PLA2G4A: variants seen among roughly 807,000 people sequenced by gnomAD.
The protein encoded by PLA2G4A is cytosolic phospholipase A2.
PLA2G4A carries 40 observed loss-of-function variants against 81.9 expected under a neutral mutation model. That is an observed-to-expected ratio of 0.49 (90% confidence interval 0.38 to 0.64). The LOEUF (loss-of-function observed/expected upper bound fraction) is 0.64, where lower values mean the gene tolerates loss of function less well. PLA2G4A is among the 30% of genes least tolerant of loss of function. PLA2G4A has a pLI of 0.00. For missense variants in PLA2G4A, 715 were observed against 905.1 expected, an observed-to-expected ratio of 0.79 and a Z score of 2.69; for synonymous variants, 302 against 296.9, an observed-to-expected ratio of 1.02 and a Z score of -0.18.
chr1:186,979,704 C>T (rs1657653733), intron 17 of PLA2G4A, among the ~76,000 whole-genome samples: 1 of 151,952 alleles, frequency 6.6e-6, no homozygotes, highest in African/African-American at 2.4e-5. Flanking sequence ...TTGGTTAATA[C>T]TCAGTTTCTT....
At chr1:186,961,402 T>G (rs1656942264) in intron 14 of PLA2G4A, among the ~76,000 whole-genome samples, 1 of 152,244 alleles carries the variant, frequency 6.6e-6, no homozygotes, top group Non-Finnish European at 1.5e-5. Context: ...TAGCTTGATT[T>G]GATTGTTCCA....
At chr1:186,905,318 C>CA (rs1431705333) in intron 5 of PLA2G4A, among the ~76,000 whole-genome samples, 7 of 151,844 alleles carry the variant, frequency 4.6e-5, no homozygotes. Flanking sequence ...ATGTTATTTC[C>CA]ATCCACTCAC....
intron 1 of PLA2G4A, among the ~76,000 whole-genome samples, chr1:186,839,513 T>A (rs1011450027): frequency 6.6e-6 from 1 of 152,192 alleles, no homozygotes; most frequent in Non-Finnish European, 1.5e-5. Flanking sequence ...AAAGAACCCA[T>A]TGAGGCATTA....
At chr1:186,842,723 G>A (rs1418594001) in intron 1 of PLA2G4A, among the ~76,000 whole-genome samples, 1 of 152,116 alleles carries the variant, frequency 6.6e-6, no homozygotes, top group East Asian at 1.9e-4. Context: ...GCAAGCCCAG[G>A]AGAGAGGTCT....
intron 7 of PLA2G4A, among the ~76,000 whole-genome samples, chr1:186,921,082 A>C (rs1423644989): frequency 6.6e-6 from 1 of 152,140 alleles, no homozygotes; most frequent in African/African-American, 2.4e-5. Flanking sequence ...GACCTTATTT[A>C]CATTTGTAGT....
chr1:186,896,165 T>C (rs1299004799), intron 5 of PLA2G4A, among the ~76,000 whole-genome samples: 3 of 152,146 alleles, frequency 2.0e-5, no homozygotes, highest in Admixed American at 1.3e-4. Context: ...AATAAGTGAT[T>C]AAATATATCG....
rs754233727 is a variant in PLA2G4A at position 186,988,344 on chromosome 1, C to T, written c.2119-33C>T. On this transcript the variant is annotated intron_variant, in intron 17 of 17. Transcript: ENST00000367466. ...AAATATATAAATGAGTTCATAGCAG[C>T]GCTAATTATACAACTTCTGTCTCTA... is the stretch of plus-strand genomic sequence containing the variant. 53 of 1,569,442 alleles carry T rather than the reference C, an allele frequency of 3.4e-5. No individual in the cohort carries two copies. In the East Asian group the frequency reaches 6.1e-4, roughly 18 times the overall value.
chr1:186,829,745 G>A (rs1651483082), intron 1 of PLA2G4A, among the ~76,000 whole-genome samples: 1 of 152,118 alleles, frequency 6.6e-6, no homozygotes, highest in African/African-American at 2.4e-5. Flanking sequence ...GAAAAAAAAG[G>A]TATTTGATTT....
intron 8 of PLA2G4A, among the ~76,000 whole-genome samples, chr1:186,938,300 T>A (rs10752984): frequency 0.96 from 145,803 of 152,210 alleles, 69,880 homozygotes; most frequent in East Asian, 1. Context: ...ATAACTAAAT[T>A]TTTATTATCT....
chr1:186,962,720 C>T (rs1433345746), intron 14 of PLA2G4A, among the ~76,000 whole-genome samples: 2 of 152,048 alleles, frequency 1.3e-5, no homozygotes, highest in African/African-American at 4.8e-5. Context: ...CGGGGTTTCA[C>T]CGTGTTAGTC....
intron 1 of PLA2G4A, among the ~76,000 whole-genome samples, chr1:186,840,189 T>G (rs1387297652): frequency 6.6e-6 from 1 of 151,888 alleles, no homozygotes; most frequent in Non-Finnish European, 1.5e-5. Context: ...TCATATATTT[T>G]AAAATGTTAT....
chr1:186,937,028 GTTT>G (rs57455739), intron 8 of PLA2G4A, among the ~76,000 whole-genome samples: 31 of 145,544 alleles, frequency 2.1e-4, no homozygotes, highest in African/African-American at 7.1e-4. Context: ...ATACTTTTAT[GTTT>G]TTTTTTTTTT....
Position 186,988,414 on chromosome 1 carries a change from G to A in PLA2G4A, c.2156G>A (p.Arg719Lys), listed in dbSNP as rs1276169569. 2 of 1,611,502 alleles carry A rather than the reference G, an allele frequency of 1.2e-6. No individual in the cohort carries two copies. Among genetic ancestry groups the A allele is most frequent in the Non-Finnish European group, 1.7e-6 (2 of 1,177,970 alleles). ...GCCATGGTTGAAAGCATTGAATATAGAAGACAGAATCCATCTCGTTGCTCT... is the reference window on the plus strand; with the variant it reads ...GCCATGGTTGAAAGCATTGAATATAAAAGACAGAATCCATCTCGTTGCTCT... ...KEAMVESIEY[R>K]RQNPSRCSVS... is the part of the protein sequence containing the mutation. The change falls in exon 18 of 18, where the codon AGA (arginine) becomes AAA (lysine). Residue 719 changes from arginine (R) to lysine (K), a missense_variant. Physicochemically the swap from Arg to Lys is conservative, Grantham distance 26 (BLOSUM62 2). Coordinates refer to ENST00000367466, the MANE Select transcript of PLA2G4A (RefSeq NM_024420.3).
At chr1:186,976,638 G>A (rs1457531196) in intron 15 of PLA2G4A, among the ~76,000 whole-genome samples, 2 of 152,166 alleles carry the variant, frequency 1.3e-5, no homozygotes, top group Non-Finnish European at 2.9e-5. Flanking sequence ...CAGAATCTGT[G>A]CTTCTCCCAC....
At position 186,964,420 on chromosome 1, in the gene PLA2G4A, C is replaced by T. The variant is rs1332626940; in HGVS notation, c.1580-989C>T. Among the ~76,000 whole-genome samples the T allele has an allele frequency of 5.3e-5, 8 of 152,272 alleles. 1 individual carries two copies. The South Asian group carries it at 1.7e-3, about 32-fold the overall frequency. On this transcript the variant is annotated intron_variant, in intron 14 of 17. Coordinates refer to ENST00000367466, the MANE Select transcript of PLA2G4A (RefSeq NM_024420.3). ...TCTTTTTCTTCAGACCCCTTGCCAT[C>T]TCATCTGTTCTCCTCCCATACTGTC...
intron 2 of PLA2G4A, among the ~76,000 whole-genome samples, chr1:186,863,042 T>A (rs1652873998): frequency 6.6e-6 from 1 of 152,240 alleles, no homozygotes; most frequent in East Asian, 1.9e-4. Flanking sequence ...TTCATTTCAA[T>A]GTTTTAAGGA....
At chr1:186,865,780 G>T (rs564604693) in intron 2 of PLA2G4A, among the ~76,000 whole-genome samples, 1 of 151,912 alleles carries the variant, frequency 6.6e-6, no homozygotes, top group Non-Finnish European at 1.5e-5. Flanking sequence ...GTATAAATTG[G>T]TTCTTTTTTT....
intron 1 of PLA2G4A, among the ~76,000 whole-genome samples, chr1:186,831,418 A>G (rs1651585626): frequency 6.6e-6 from 1 of 152,168 alleles, no homozygotes; most frequent in African/African-American, 2.4e-5. Flanking sequence ...TAGGTTCTAG[A>G]CTCAACCCCA....
intron 8 of PLA2G4A, among the ~76,000 whole-genome samples, chr1:186,935,810 G>A (rs1655925623): frequency 6.6e-6 from 1 of 151,944 alleles, no homozygotes; most frequent in Non-Finnish European, 1.5e-5. Context: ...TTTGGTATAA[G>A]TGAGGTAATA....
Sources: gnomAD v4.1 joint callset for allele counts (sites outside exome capture counted in the v4.1 genomes callset) on GRCh38, gnomAD v4.1.1 for gene constraint, MANE v1.5 for transcripts, NCBI Gene and HGNC (gene_info 2026-07-23, HGNC 2026-07-21) for gene names.